OSGEP: variants seen among roughly 807,000 people sequenced by gnomAD.
OSGEP encodes the protein O-sialoglycoprotein endopeptidase.
Under a neutral mutation model 44.1 loss-of-function variants are expected in OSGEP, and 39 were observed. The observed-to-expected ratio is 0.88, with a 90% CI of 0.69 to 1.16. The LOEUF is 1.16. Among genes scored for constraint, OSGEP ranks in the 50% most tolerant of loss-of-function variants. The pLI is 0.00. For missense variants in OSGEP, 403 were observed against 443.1 expected, an observed-to-expected ratio of 0.91 and a Z score of 0.81; for synonymous variants, 139 against 161.9, an observed-to-expected ratio of 0.86 and a Z score of 1.07.
Position 20,448,146 on chromosome 14 carries a change from G to A in OSGEP, c.662C>T (p.Thr221Ile). 3 of 1,613,648 alleles carry A rather than the reference G, an allele frequency of 1.9e-6. No homozygotes were observed. In the South Asian group the frequency reaches 3.3e-5, roughly 18 times the overall value. Residue 221 changes from threonine to isoleucine, a missense_variant, in exon 7 of 11, where the codon ACA becomes ATA. Physicochemically the swap from Thr to Ile is moderately conservative, Grantham distance 89. Transcript: ENST00000206542. ...IEDVAHRMLA[T>I]GECTPEDLCF... ...CAGATCCTCAGGAGTACACTCGCCTGTGGCCAGCATCCGATGGGCTACATC... is the reference window on the plus strand; with the variant it reads ...CAGATCCTCAGGAGTACACTCGCCTATGGCCAGCATCCGATGGGCTACATC...
Position 20,447,250 on chromosome 14 carries a change from C to T in OSGEP, c.998G>A (p.Trp333Ter). 6.2e-7 allele frequency: 1 copy of T among 1,614,098 alleles called. No individual in the cohort carries two copies. Among genetic ancestry groups the T allele is most frequent in the Non-Finnish European group, 8.5e-7 (1 of 1,179,920 alleles). Residue 333 changes from tryptophan (W) to a stop codon, truncating the protein, a stop_gained, in exon 11 of 11, where the codon TGG becomes TAG. Transcript: ENST00000206542. LOFTEE classifies it high-confidence loss of function. ...ATTCTGTTGATCTTATTAGTCCCTC[C>T]AGGTCACCTCTACTTCATCTGTCCG... ...RYRTDEVEVT[W>*]RD is the part of the protein sequence containing the mutation.
intron 8 of OSGEP, 107 bp from the exon 9 acceptor site, chr14:20,447,797 G>A: frequency 1.6e-6 from 2 of 1,216,066 alleles, no homozygotes; most frequent in Non-Finnish European, 2.4e-6. Flanking sequence ...GGGGATTAGG[G>A]GCAAGGATTG....
chr14:20,448,936 A>C (rs369025701), intron 5 of OSGEP, 28 bp downstream of exon 5: 5 of 1,612,358 alleles, frequency 3.1e-6, no homozygotes, highest in Non-Finnish European at 4.2e-6. Context: ...CCCAGCAGCC[A>C]GCCTGCTTCC....
At chr14:20,454,220 A>G (rs1453695359) in intron 1 of OSGEP, among the ~76,000 whole-genome samples, 1 of 151,970 alleles carries the variant, frequency 6.6e-6, no homozygotes, top group Non-Finnish European at 1.5e-5. Flanking sequence ...TGGAATCTAT[A>G]CTCCTGCTAA....
intron 3 of OSGEP, chr14:20,451,190 TA>T (rs778035699): frequency 1.3e-5 from 2 of 155,730 alleles, no homozygotes; most frequent in Non-Finnish European, 2.9e-5. Flanking sequence ...TTTATATTTC[TA>T]AACTCTTAGA....
At position 20,454,669 on chromosome 14, in the gene OSGEP, C is replaced by T; in HGVS notation, c.15G>A (p.Leu5=). Residue 5 remains leucine, a synonymous_variant, in exon 1 of 11, where the codon CTG becomes CTA. Transcript: ENST00000206542. ...TCTTATTGGCGCTGCCTTCAAAACC[C>T]AGCACCGCCGGCATGGCGGAGGCTG... The part of the protein sequence containing the change: MPAV[L]GFEGSANKIG... The T allele has an allele frequency of 6.2e-7, 1 of 1,613,744 alleles. No individual in the cohort carries two copies. The highest frequency in any genetic ancestry group is 8.5e-7 in the Non-Finnish European group (1 of 1,179,722).
rs2139288991 is a variant in OSGEP at position 20,447,410 on chromosome 14, T to C, written c.968+12A>G. The stretch of plus-strand genomic sequence containing the variant: ...CCAATAATCTACCCTCACCAAGAGG[T>C]GAATCACTCACCTCTGTGTAACCCC... On this transcript the variant is annotated intron_variant, in intron 10 of 10. Transcript: ENST00000206542. 1 of 1,611,438 alleles carries C rather than the reference T, an allele frequency of 6.2e-7. No homozygotes were observed. The highest frequency in any genetic ancestry group is 8.5e-7 in the Non-Finnish European group (1 of 1,177,682).
chr14:20,454,334 C>A (rs1881198307), intron 1 of OSGEP, among the ~76,000 whole-genome samples: 1 of 152,194 alleles, frequency 6.6e-6, no homozygotes, highest in Admixed American at 6.5e-5. Flanking sequence ...AGTATAACAT[C>A]TATTTCTGAA....
chr14:20,452,112 A>C lies in OSGEP; in HGVS notation c.273T>G (p.Val91=). The change falls in exon 3 of 11, where the codon GTT becomes GTG. Residue 91 remains valine (V), a synonymous_variant. Coordinates refer to ENST00000206542, the MANE Select transcript of OSGEP (RefSeq NM_017807.4). ...GMGAPLVSVA[V]VARTVAQLWN... ...ACAGTTGGGCCACAGTACGGGCCAC[A>C]ACAGCCACAGAAACCAGTGGGGCAC... 1 of 1,613,592 alleles carries C rather than the reference A, an allele frequency of 6.2e-7. No homozygotes were observed. The highest frequency in any genetic ancestry group is 1.3e-5 in the African/African-American group (1 of 75,026).
At chr14:20,452,207 G>A (rs1406532082) in intron 2 of OSGEP, 58 bp from the exon 3 acceptor site, 25 of 1,581,190 alleles carry the variant, frequency 1.6e-5, no homozygotes, top group Non-Finnish European at 2.1e-5. Context: ...CAATAGTGGG[G>A]GACATAAGGG....
Position 20,447,117 on chromosome 14 carries a change from C to T in OSGEP, c.*123G>A. 1.2e-6 allele frequency: 1 copy of T among 832,078 alleles called. No individual in the cohort carries two copies. The highest frequency in any genetic ancestry group is 1.5e-5 in the South Asian group (1 of 65,444). 51.5% of individuals were successfully genotyped at this position (832,078 alleles called of 1,614,324 possible). A position where few individuals can be genotyped will look rare whatever the true frequency, so the allele number is the denominator to read the frequency against. ...AGTCATCCTGGGGTTCCATAAAGGA[C>T]CCCAAGCCTTGCTTGGAGTCTATAG... On this transcript the variant is annotated 3_prime_UTR_variant, in exon 11 of 11. Transcript: ENST00000206542.
At chr14:20,451,251 A>G in intron 3 of OSGEP, 1 of 199,872 alleles carries the variant, frequency 5.0e-6, no homozygotes, top group South Asian at 5.9e-5. Context: ...CAAAACATGT[A>G]CTTGCCCCAA....
intron 3 of OSGEP, 108 bp downstream of exon 3, chr14:20,451,865 AG>A: frequency 1.9e-6 from 2 of 1,035,036 alleles, no homozygotes; most frequent in South Asian, 1.9e-5. Context: ...TTTTAGGTTC[AG>A]ATAAGTCCAT....
At position 20,452,343 on chromosome 14, in the gene OSGEP, A is replaced by G; in HGVS notation, c.221T>C (p.Ile74Thr). 6.2e-7 allele frequency: 1 copy of G among 1,613,888 alleles called. No individual in the cohort carries two copies. Among genetic ancestry groups the G allele is most frequent in the Non-Finnish European group, 8.5e-7 (1 of 1,179,968 alleles). Residue 74 changes from isoleucine to threonine, a missense_variant, in exon 2 of 11, where the codon ATT becomes ACT. Physicochemically the swap from Ile to Thr is moderately conservative, Grantham distance 89. Coordinates refer to ENST00000206542, the MANE Select transcript of OSGEP (RefSeq NM_017807.4). ...CCCAGCCATACCCTTGGTGTATGCA[A>G]TGCAGTCGATATCCTGGGAGGTTAA... The part of the protein sequence containing the change: ...SGLTSQDIDC[I>T]AYTKGPGMGA...
chr14:20,448,826 G>A lies in OSGEP; in HGVS notation c.558-15C>T. ...GCTTCTTGCCTCTATGTGGGAATAA[G>A]CGTACGAGGCACTAAGCCTACAGTC... is the stretch of plus-strand genomic sequence containing the variant. On this transcript the variant is annotated splice_polypyrimidine_tract_variant and intron_variant, in intron 5 of 10. Coordinates refer to ENST00000206542, the MANE Select transcript of OSGEP (RefSeq NM_017807.4). The A allele has an allele frequency of 1.9e-6, 3 of 1,607,350 alleles. No homozygotes were observed. The highest frequency in any genetic ancestry group is 2.7e-5 in the African/African-American group (2 of 74,838).
At position 20,449,153 on chromosome 14, in the gene OSGEP, G is replaced by C; in HGVS notation, c.507+18C>G. 1.3e-6 allele frequency: 2 copies of C among 1,576,630 alleles called. No individual in the cohort carries two copies. Among genetic ancestry groups the C allele is most frequent in the Non-Finnish European group, 1.7e-6 (2 of 1,145,794 alleles). On this transcript the variant is annotated intron_variant, in intron 4 of 10. Transcript: ENST00000206542. The stretch of plus-strand genomic sequence containing the variant: ...AATTCACCCACATTTTATGTTCTCT[G>C]CAGCCCCACTGGCTTACCTTCAGCA...
chr14:20,447,961 C>G lies in OSGEP; in HGVS notation c.736G>C (p.Glu246Gln), dbSNP rs1434094395. ...TVFAMLVEIT[E>Q]RAMAHCGSQE... ...GAGCCACAATGTGCCATGGCTCGCT[C>G]TGTGATCTCTACCAGCATTGCAAAC... The change falls in exon 8 of 11, where the codon GAG becomes CAG. Residue 246 changes from glutamate (E) to glutamine (Q), a missense_variant. Coordinates refer to ENST00000206542, the MANE Select transcript of OSGEP (RefSeq NM_017807.4). 6.2e-7 allele frequency: 1 copy of G among 1,614,118 alleles called. No individual in the cohort carries two copies. The highest frequency in any genetic ancestry group is 1.1e-5 in the South Asian group (1 of 91,078).
chr14:20,447,879 AG>A (rs1266685918), intron 8 of OSGEP, 24 bp downstream of exon 8: 1 of 1,512,352 alleles, frequency 6.6e-7, no homozygotes, highest in Non-Finnish European at 9.2e-7. Flanking sequence ...AATAGGAAAG[AG>A]GAACACTTTT....
chr14:20,447,341 G>T, intron 10 of OSGEP, 62 bp from the exon 11 acceptor site: 1 of 1,602,760 alleles, frequency 6.2e-7, no homozygotes, highest in Non-Finnish European at 8.5e-7. Context: ...ATTCTTCTCT[G>T]CCCTCATGTT....
Sources: allele counts gnomAD v4.1 joint callset (sites outside exome capture counted in the v4.1 genomes callset), GRCh38; gene constraint gnomAD v4.1.1; transcripts MANE v1.5; gene names NCBI Gene and HGNC (gene_info 2026-07-23, HGNC 2026-07-21).